H2AZ2: variants seen among roughly 807,000 people sequenced by gnomAD.
The protein encoded by H2AZ2 is H2A.Z variant histone 2.
A neutral mutation model predicts 15.5 loss-of-function variants in H2AZ2; 5 were observed. The ratio of observed to expected loss-of-function variants is 0.32; its 90% confidence interval spans 0.17 to 0.68. The LOEUF (loss-of-function observed/expected upper bound fraction) is 0.68. Ranked by LOEUF, H2AZ2 falls within the 30% of genes least tolerant of loss-of-function variation. H2AZ2 has a pLI of 0.72. For synonymous variants in H2AZ2, 44 were observed against 57.4 expected (o/e 0.77, Z 1.05); for missense variants, 42 against 162.5 (o/e 0.26, Z 4.03).
chr7:44,843,854 G>A (rs904640090), intron 1 of H2AZ2, among the ~76,000 whole-genome samples: 22 of 152,112 alleles, frequency 1.4e-4, no homozygotes, highest in African/African-American at 5.3e-4. Flanking sequence ...CACAGTGCCA[G>A]GCTGAAAAAT....
chr7:44,827,071 TAC>T (rs1304607575), downstream of H2AZ2: 1 of 152,212 alleles, frequency 6.6e-6, no homozygotes, highest in Non-Finnish European at 1.5e-5. Context: ...TATTATGTAA[TAC>T]ACTCATCCAG....
downstream of H2AZ2, chr7:44,830,306 G>T: frequency 1.3e-6 from 1 of 748,076 alleles, no homozygotes; most frequent in Non-Finnish European, 2.1e-6. Flanking sequence ...GAATTCACTG[G>T]ATAACTACTG....
At chr7:44,846,062 C>CACACAGAGAGAGAGAG (rs57468916) in intron 1 of H2AZ2, among the ~76,000 whole-genome samples, 6 of 75,056 alleles carry the variant, frequency 8.0e-5, no homozygotes, top group Non-Finnish European at 1.6e-4. Context: ...CACACACACA[C>CACACAGAGAGAGAGAG]AGAGAGAGAC....
chr7:44,846,826 T>C (rs1793423471), intron 1 of H2AZ2, among the ~76,000 whole-genome samples: 1 of 152,180 alleles, frequency 6.6e-6, no homozygotes, highest in Non-Finnish European at 1.5e-5. Context: ...CTAAAGTCTA[T>C]TCCAGCTCTA....
rs1174446454 is a variant in H2AZ2, at chr7:44,848,054, C to A, written c.-83G>T. ...GCCGCCGCCGCCGCTCTCGCAGCAC[C>A]GACCGCCGCCGCCGGAGCCGGACAA... On this transcript the variant is annotated 5_prime_UTR_variant, in exon 1 of 5. Transcript: ENST00000308153. 4.6e-6 allele frequency: 4 copies of A among 862,706 alleles called. No individual in the cohort carries two copies. The highest frequency in any genetic ancestry group is 3.7e-5 in the East Asian group (1 of 27,134). The allele number at this position is 862,706 out of a possible 1,614,324, so 53.4% of individuals were successfully genotyped here.
chr7:44,844,928 AAG>A (rs1793361381), intron 1 of H2AZ2, among the ~76,000 whole-genome samples: 2 of 152,166 alleles, frequency 1.3e-5, no homozygotes, highest in Non-Finnish European at 2.9e-5. Flanking sequence ...GGAAATACTA[AAG>A]GTCTGACTTA....
chr7:44,846,056 C>CAGAGAG (rs1172162419), intron 1 of H2AZ2, among the ~76,000 whole-genome samples: 18 of 91,822 alleles, frequency 2.0e-4, no homozygotes, highest in Middle Eastern at 0.011. Context: ...CACACACACA[C>CAGAGAG]ACACACAGAG....
intron 1 of H2AZ2, among the ~76,000 whole-genome samples, chr7:44,846,898 A>G (rs191547650): frequency 5.9e-5 from 9 of 152,196 alleles, no homozygotes; most frequent in African/African-American, 1.9e-4. Context: ...AATTATCCCT[A>G]AAGTCTATTC....
At chr7:44,843,694 G>A (rs1465125842) in intron 1 of H2AZ2, among the ~76,000 whole-genome samples, 5 of 152,084 alleles carry the variant, frequency 3.3e-5, no homozygotes, top group Non-Finnish European at 7.4e-5. Flanking sequence ...GAGTAGCTGA[G>A]ATTACAGGCG....
At chr7:44,841,267 T>C (rs1793269526) in intron 2 of H2AZ2, among the ~76,000 whole-genome samples, 1 of 152,198 alleles carries the variant, frequency 6.6e-6, no homozygotes, top group Non-Finnish European at 1.5e-5. Flanking sequence ...TGTCATCAAC[T>C]GTACGTTCAA....
rs1402027190 is a variant in H2AZ2, at chr7:44,833,304, C to T, written c.*1197G>A. ...CTGGAGTGCAGTGGCGCCATCTTGG[C>T]TCACTGCAAGCTCCGCCTCCCGGGT... On this transcript the variant is annotated 3_prime_UTR_variant, in exon 5 of 5. Transcript: ENST00000308153. Among the ~76,000 whole-genome samples, 2 of 152,172 alleles carry T rather than the reference C, an allele frequency of 1.3e-5. No individual in the cohort carries two copies. The highest frequency in any genetic ancestry group is 1.3e-4 in the Admixed American group (2 of 15,278).
At chr7:44,841,801 C>T (rs1256629788) in intron 2 of H2AZ2, among the ~76,000 whole-genome samples, 4 of 152,226 alleles carry the variant, frequency 2.6e-5, no homozygotes, top group Non-Finnish European at 4.4e-5. Flanking sequence ...CTCCCTCAAC[C>T]CTTCACTGCT....
chr7:44,828,587 A>C (rs975081420), downstream of H2AZ2: 6 of 152,264 alleles, frequency 3.9e-5, no homozygotes, highest in African/African-American at 1.4e-4. Context: ...ACCCAGGTAG[A>C]TAGGACTCCA....
downstream of H2AZ2, chr7:44,827,366 T>C (rs1176244756): frequency 6.6e-6 from 1 of 152,110 alleles, no homozygotes; most frequent in African/African-American, 2.4e-5. Context: ...CTCCTAAAGG[T>C]CCCAAAGAAC....
rs980198967 is a variant in H2AZ2, at chr7:44,842,753, G to A, written c.81+524C>T. On this transcript the variant is annotated intron_variant, in intron 2 of 4. Coordinates refer to ENST00000308153, the MANE Select transcript of H2AZ2 (RefSeq NM_012412.5). ...TTTAAGTTCCCATCCCCCTTCTTTC[G>A]GTATCATCTGGATAATGTTGTCCTC... Among the ~76,000 whole-genome samples, 8 of 151,978 alleles carry A rather than the reference G, an allele frequency of 5.3e-5. No individual in the cohort carries two copies. The South Asian group carries it at 8.3e-4, about 16-fold the overall frequency.
At chr7:44,831,525 T>C (rs1258407313), downstream of H2AZ2, among the ~76,000 whole-genome samples, 1 of 151,710 alleles carries the variant, frequency 6.6e-6, no homozygotes, top group Non-Finnish European at 1.5e-5. Context: ...TTGATTATAT[T>C]GCACTCCCCC....
intron 2 of H2AZ2, among the ~76,000 whole-genome samples, chr7:44,843,011 C>T (rs940294551): frequency 1.3e-5 from 2 of 151,532 alleles, no homozygotes; most frequent in Non-Finnish European, 2.9e-5. Flanking sequence ...TGGTGGCGCA[C>T]GCCTGCAGTC....
rs562919638 is a variant in H2AZ2, at chr7:44,832,920, A to C, written c.*1581T>G. ...AGCCAGGATCATGCCACTGCACTTC[A>C]ACCTGGGCAAAAGAGCAAGAGCCTG... On this transcript the variant is annotated 3_prime_UTR_variant, in exon 5 of 5. Coordinates refer to ENST00000308153, the MANE Select transcript of H2AZ2 (RefSeq NM_012412.5). Among the ~76,000 whole-genome samples, 4 of 152,178 alleles carry C rather than the reference A, an allele frequency of 2.6e-5. No homozygotes were observed. The highest frequency in any genetic ancestry group is 5.9e-5 in the Non-Finnish European group (4 of 68,020).
intron 1 of H2AZ2, among the ~76,000 whole-genome samples, chr7:44,846,894 C>G (rs1793425373): frequency 6.6e-6 from 1 of 152,144 alleles, no homozygotes; most frequent in South Asian, 2.1e-4. Context: ...AAGCAATTAT[C>G]CCTAAAGTCT....
Sources: gnomAD v4.1 joint callset for allele counts (sites outside exome capture counted in the v4.1 genomes callset) on GRCh38, gnomAD v4.1.1 for gene constraint, MANE v1.5 for transcripts, NCBI Gene and HGNC (gene_info 2026-07-23, HGNC 2026-07-21) for gene names.